The following RIMBP2 variants were observed in gnomAD, a reference collection of about 807,000 sequenced individuals.
RIMBP2 encodes the protein RIMS-binding protein 2.
In RIMBP2, 48 loss-of-function variants were observed where a neutral mutation model predicts 118.6. The observed-to-expected ratio is 0.40, with a 90% confidence interval of 0.32 to 0.51. RIMBP2 has a LOEUF of 0.51. Among genes scored for constraint, RIMBP2 ranks in the 20% least tolerant of loss-of-function variants. The pLI, the probability that RIMBP2 is intolerant of heterozygous loss-of-function variation, is 0.41. For missense variants in RIMBP2, 1,551 were observed against 1,768.3 expected (o/e 0.88, Z 2.20); for synonymous variants, 762 against 742.9 (o/e 1.03, Z -0.42).
rs1566474850 is a variant in RIMBP2, at chr12:130,710,147, T to TA, written c.-352+6074_-352+6075insT. ...CCAAAAACACCCAAGGAGCAATTTC[T>TA]GCACATACCTATGAGAATCAAAGCC... On this transcript the variant is annotated intron_variant, in intron 1 of 22. Coordinates refer to ENST00000690449, the MANE Select transcript of RIMBP2 (RefSeq NM_001393629.1). This position sits in a 1 kb window ranked among gnomAD's most constrained non-coding sequence, Gnocchi z 4.3. Among the ~76,000 whole-genome samples, 2 of 152,268 alleles carry TA rather than the reference T, an allele frequency of 1.3e-5. No homozygotes were observed. The highest frequency in any genetic ancestry group is 2.9e-5 in the Non-Finnish European group (2 of 68,012).
In RIMBP2 at chr12:130,706,499, G is replaced by A. The variant is rs139305336; in HGVS notation, c.-352+9723C>T. Among the ~76,000 whole-genome samples, 299 of 152,344 alleles carry A rather than the reference G, an allele frequency of 2.0e-3. 3 individuals are homozygous for A. Among genetic ancestry groups the A allele is most frequent in the African/African-American group, 7.0e-3 (292 of 41,580 alleles). Reference sequence around the variant, plus strand: ...AATTCCACCAGTGAAGGCTGCTTCCGAGGGACACGTTCACGGAGCAGCTCC... The same window carrying A: ...AATTCCACCAGTGAAGGCTGCTTCCAAGGGACACGTTCACGGAGCAGCTCC... On this transcript the variant is annotated intron_variant, in intron 1 of 22. Coordinates refer to ENST00000690449, the MANE Select transcript of RIMBP2 (RefSeq NM_001393629.1).
rs1382670152 is a variant in RIMBP2 at position 130,409,331 on chromosome 12, GCTTT to G, written c.3590-1506_3590-1503del. ...CTAAAAGGGACTCATACAAAATGTA[GCTTT>G]TTTTTTTTTTTTTTTTTTTTTTTTT... On this transcript the variant is annotated intron_variant, in intron 19 of 22. Coordinates refer to ENST00000690449, the MANE Select transcript of RIMBP2 (RefSeq NM_001393629.1). Among the ~76,000 whole-genome samples the G allele has an allele frequency of 4.6e-5, 5 of 109,394 alleles. No homozygotes were observed. The South Asian group carries it at 1.0e-3, about 22-fold the overall frequency. The allele number at this position is 109,394 out of a possible 152,430, so 71.8% of individuals were successfully genotyped here. A position where few individuals can be genotyped will look rare whatever the true frequency, so the allele number is the denominator to read the frequency against.
At chr12:130,705,623 C>G (rs976135267) in intron 1 of RIMBP2, among the ~76,000 whole-genome samples, 1 of 152,256 alleles carries the variant, frequency 6.6e-6, no homozygotes, top group African/African-American at 2.4e-5. Context: ...GGTTCTCACG[C>G]CTCTCCTGCT....
At chr12:130,645,238 G>A (rs536261705) in intron 1 of RIMBP2, among the ~76,000 whole-genome samples, 1 of 152,116 alleles carries the variant, frequency 6.6e-6, no homozygotes, top group Non-Finnish European at 1.5e-5. Context: ...GGACTACGGT[G>A]TGTCCACCAC....
At chr12:130,645,327 T>C (rs2062813586) in intron 1 of RIMBP2, among the ~76,000 whole-genome samples, 1 of 152,196 alleles carries the variant, frequency 6.6e-6, no homozygotes, top group Non-Finnish European at 1.5e-5. Flanking sequence ...TCACAGCTTT[T>C]ACCAGCACAC....
Position 130,424,642 on chromosome 12 carries a change from C to T in RIMBP2, c.2629G>A (p.Glu877Lys), listed in dbSNP as rs1043602265. 3.2e-5 allele frequency: 40 copies of T among 1,231,790 alleles called. No homozygotes were observed. Among genetic ancestry groups the T allele is most frequent in the South Asian group, 2.1e-4 (5 of 24,322 alleles). The allele number at this position is 1,231,790 out of a possible 1,614,324, so 76.3% of individuals were successfully genotyped here. The change falls in exon 16 of 23, where the codon GAG (glutamate) becomes AAG (lysine). Residue 877 changes from glutamate to lysine, a missense_variant. By Grantham distance (56) the Glu-to-Lys change is moderately conservative. Transcript: ENST00000690449. The surrounding 1 kb of genome is among the most constrained non-coding windows in gnomAD (Gnocchi z 9.8). ...GGGAACCAGGAGCCCCGAGGGGCCT[C>T]GTCGCCCCTGTAGGGCCTGCCGGGC... Reference protein sequence around the residue: ...PRPGRPYRGDEAPRGSWFPVK... With the variant: ...PRPGRPYRGDKAPRGSWFPVK...
At chr12:130,412,812 C>A in intron 18 of RIMBP2, 25 bp from the exon 19 acceptor site, 1 of 1,598,920 alleles carries the variant, frequency 6.3e-7, no homozygotes, top group South Asian at 1.1e-5. Context: ...GAAAATAAAT[C>A]AAGCACTGTA....
rs1593187120 is a variant in RIMBP2, at chr12:130,407,651, CCT to C, written c.3693+73_3693+74del. 3 of 1,160,928 alleles carry C rather than the reference CCT, an allele frequency of 2.6e-6. No homozygotes were observed. In the East Asian group the frequency reaches 7.0e-5, roughly 27 times the overall value. The allele number at this position is 1,160,928 out of a possible 1,614,324, so 71.9% of individuals were successfully genotyped here. ...GGAATGAGGAGGTGAACACACGTGG[CCT>C]CAGTGTGGTGTACCACGAGGGAAGG... On this transcript the variant is annotated intron_variant, in intron 20 of 22. Transcript: ENST00000690449.
intron 4 of RIMBP2, among the ~76,000 whole-genome samples, chr12:130,503,378 A>G (rs1222803404): frequency 6.6e-6 from 1 of 151,636 alleles, no homozygotes; most frequent in East Asian, 1.9e-4. Context: ...CCTGGGTGAC[A>G]GAGTAAGACT....
chr12:130,650,054 C>T (rs558813672), intron 1 of RIMBP2, among the ~76,000 whole-genome samples: 4 of 152,122 alleles, frequency 2.6e-5, no homozygotes, highest in Non-Finnish European at 5.9e-5. Flanking sequence ...ACCTGAGGAC[C>T]TGCTCCTCCA....
At chr12:130,645,338 C>T (rs185195541) in intron 1 of RIMBP2, among the ~76,000 whole-genome samples, 265 of 152,266 alleles carry the variant, frequency 1.7e-3, no homozygotes, top group Non-Finnish European at 2.7e-3. Flanking sequence ...ACCAGCACAC[C>T]GCTCCCCCAA....
chr12:130,691,543 A>G (rs1362728378), intron 1 of RIMBP2, among the ~76,000 whole-genome samples: 1 of 152,146 alleles, frequency 6.6e-6, no homozygotes, highest in Non-Finnish European at 1.5e-5. Context: ...GTGATGGCCC[A>G]CACTGGAATC....
At chr12:130,608,666 C>A (rs1490804790) in intron 2 of RIMBP2, among the ~76,000 whole-genome samples, 1 of 152,178 alleles carries the variant, frequency 6.6e-6, no homozygotes, top group Non-Finnish European at 1.5e-5. Context: ...CAGGCCACTC[C>A]TCTTTAGGAC....
intron 2 of RIMBP2, among the ~76,000 whole-genome samples, chr12:130,535,367 T>A (rs1299256621): frequency 6.6e-6 from 1 of 151,848 alleles, no homozygotes; most frequent in African/African-American, 2.4e-5. Context: ...TGTTTTTAAT[T>A]AGCAGGGCAT....
chr12:130,585,087 G>A (rs57326734), intron 2 of RIMBP2, among the ~76,000 whole-genome samples: 23,797 of 151,900 alleles, frequency 0.16, 2,525 homozygotes, highest in East Asian at 0.36. Flanking sequence ...ATGAGGTCTC[G>A]CTCTGTTGCC....
intron 4 of RIMBP2, among the ~76,000 whole-genome samples, chr12:130,480,307 T>C (rs1313424096): frequency 1.3e-5 from 2 of 151,916 alleles, no homozygotes; most frequent in East Asian, 1.9e-4. Flanking sequence ...CCTTCAAAAA[T>C]GGGAAGAGTT....
chr12:130,532,394 G>T (rs1406516586), intron 2 of RIMBP2, among the ~76,000 whole-genome samples: 1 of 150,910 alleles, frequency 6.6e-6, no homozygotes, highest in African/African-American at 2.4e-5. Flanking sequence ...CGTGTGTTTA[G>T]CCTCTAGGAG....
chr12:130,477,456 A>C (rs1024586011), intron 5 of RIMBP2, among the ~76,000 whole-genome samples: 1 of 152,174 alleles, frequency 6.6e-6, no homozygotes, highest in Non-Finnish European at 1.5e-5. Context: ...AAGGTCCTTG[A>C]GACATGGCAG....
At chr12:130,634,261 T>C (rs1200308045) in intron 1 of RIMBP2, among the ~76,000 whole-genome samples, 1 of 152,290 alleles carries the variant, frequency 6.6e-6, no homozygotes, top group East Asian at 1.9e-4. Context: ...TAATGCCACC[T>C]GTTCTCTTGA....
Sources: allele counts gnomAD v4.1 joint callset (sites outside exome capture counted in the v4.1 genomes callset), GRCh38; gene constraint gnomAD v4.1.1; non-coding constraint Gnocchi (gnomAD v3.1); transcripts MANE v1.5; gene names NCBI Gene and HGNC (gene_info 2026-07-23, HGNC 2026-07-21).